Variants in MEAF6 observed in about 807,000 individuals in gnomAD.
MEAF6 encodes the protein MYST/Esa1 associated factor 6, also known as chromatin modification-related protein MEAF6.
A neutral mutation model predicts 28.9 loss-of-function variants in MEAF6; 15 were observed. That is an observed-to-expected ratio of 0.52 (90% CI 0.35 to 0.80). The LOEUF (loss-of-function observed/expected upper bound fraction) is 0.80. Ranked by LOEUF, MEAF6 falls within the 30% of genes least tolerant of loss-of-function variation. MEAF6 has a pLI of 0.01. For missense variants in MEAF6, 178 were observed against 237.5 expected, an observed-to-expected ratio of 0.75 and a Z score of 1.65; for synonymous variants, 97 against 88.7, an observed-to-expected ratio of 1.09 and a Z score of -0.53.
At position 37,492,758 on chromosome 1, in the gene MEAF6, G is replaced by C. The variant is rs935517993; in HGVS notation, c.*1341C>G. The stretch of plus-strand genomic sequence containing the variant: ...AGGACTATGACTAACTAGAGTGAAA[G>C]GAAAGGTTAGACCCCAAATCTTATC... On this transcript the variant is annotated 3_prime_UTR_variant, in exon 7 of 7. Coordinates refer to ENST00000296214, the MANE Select transcript of MEAF6 (RefSeq NM_001270875.3). The C allele has an allele frequency of 1.3e-5, 2 of 152,540 alleles. No individual in the cohort carries two copies. The highest frequency in any genetic ancestry group is 2.4e-5 in the African/African-American group (1 of 41,416). 9.4% of individuals were successfully genotyped at this position (152,540 alleles called of 1,614,324 possible). A position where few individuals can be genotyped will look rare whatever the true frequency, so the allele number is the denominator to read the frequency against.
In MEAF6 at chr1:37,500,050, T is replaced by C. The variant is rs191952460; in HGVS notation, c.533+1754A>G. On this transcript the variant is annotated intron_variant, in intron 5 of 6. Coordinates refer to ENST00000296214, the MANE Select transcript of MEAF6 (RefSeq NM_001270875.3). ...GGCCAGACACCGTGGCTCATGCCAG[T>C]AATCCCAGCACTTTGGGAGGCCGAG... Among the ~76,000 whole-genome samples, 15 of 152,336 alleles carry C rather than the reference T, an allele frequency of 9.8e-5. No homozygotes were observed. In the East Asian group the frequency reaches 2.5e-3, roughly 25 times the overall value.
At position 37,493,875 on chromosome 1, in the gene MEAF6, C is replaced by T. The variant is rs1642024852; in HGVS notation, c.*224G>A. On this transcript the variant is annotated 3_prime_UTR_variant, in exon 7 of 7. Coordinates refer to ENST00000296214, the MANE Select transcript of MEAF6 (RefSeq NM_001270875.3). ...GGGATTACAACATTGTCTTCATCTT[C>T]CTGCAGTTCTGTTACTAAAAATGAC... 13 of 1,558,166 alleles carry T rather than the reference C, an allele frequency of 8.3e-6. No homozygotes were observed. The highest frequency in any genetic ancestry group is 1.1e-5 in the Non-Finnish European group (13 of 1,153,388).
chr1:37,502,120 TAC>T, intron 4 of MEAF6, 124 bp from the exon 5 acceptor site: 1 of 46,750 alleles, frequency 2.1e-5, no homozygotes, highest in Non-Finnish European at 4.5e-5. Flanking sequence ...ACAGAGAAGA[TAC>T]ATGTTGACAG....
rs36039749 is a variant in MEAF6, at chr1:37,505,127, A to G, written c.341-3131T>C. Among the ~76,000 whole-genome samples the G allele has an allele frequency of 0.76, 115,374 of 152,084 alleles. 45,513 individuals carry two copies. The highest frequency in any genetic ancestry group is 0.95 in the East Asian group (4,883 of 5,142). On this transcript the variant is annotated intron_variant, in intron 4 of 6. Transcript: ENST00000296214. ...TCAAACTCCTGACCTCAGGTGATCC[A>G]CCCACCTTGGGCTCCCAAAGTTCTG...
rs551607507 is a variant in MEAF6, at chr1:37,491,134, G to A, written c.*2965C>T. Reference sequence around the variant, plus strand: ...AAGTCACAGAGTGTTTCAAGCTTAGGCTCTTTAACTTTCAAGCTTAGACTA... The same window carrying A: ...AAGTCACAGAGTGTTTCAAGCTTAGACTCTTTAACTTTCAAGCTTAGACTA... On this transcript the variant is annotated 3_prime_UTR_variant, in exon 7 of 7. Transcript: ENST00000296214. 6.6e-6 allele frequency among the ~76,000 whole-genome samples: 1 copy of A among 152,308 alleles called. No individual in the cohort carries two copies. Among genetic ancestry groups the A allele is most frequent in the South Asian group, 2.1e-4 (1 of 4,828 alleles).
intron 4 of MEAF6, among the ~76,000 whole-genome samples, chr1:37,508,734 A>G (rs1181060553): frequency 1.3e-5 from 2 of 152,218 alleles, no homozygotes; most frequent in Non-Finnish European, 2.9e-5. Context: ...TGTCTCTTTG[A>G]GATGCTAAAG....
chr1:37,511,272 T>G (rs1417203205), intron 2 of MEAF6, among the ~76,000 whole-genome samples: 1 of 152,092 alleles, frequency 6.6e-6, no homozygotes, highest in Non-Finnish European at 1.5e-5. Context: ...TTGAGGAGGC[T>G]CCCTCTGACC....
chr1:37,503,261 A>C (rs1273995023), intron 4 of MEAF6, among the ~76,000 whole-genome samples: 1 of 152,218 alleles, frequency 6.6e-6, no homozygotes, highest in Non-Finnish European at 1.5e-5. Context: ...ATGCAGTAAT[A>C]ATCTTCAGCT....
At chr1:37,502,849 G>A (rs888667141) in intron 4 of MEAF6, among the ~76,000 whole-genome samples, 3 of 151,964 alleles carry the variant, frequency 2.0e-5, no homozygotes, top group Non-Finnish European at 4.4e-5. Flanking sequence ...TGAACTCCTA[G>A]GCTCAAGAGA....
chr1:37,509,252 T>A, intron 4 of MEAF6, 26 bp downstream of exon 4: 1 of 1,605,920 alleles, frequency 6.2e-7, no homozygotes, highest in South Asian at 1.1e-5. Context: ...AATAAACTGA[T>A]GAGAAACATA....
At chr1:37,501,684 G>A (rs2148071176) in intron 5 of MEAF6, 120 bp downstream of exon 5, 2 of 1,014,338 alleles carry the variant, frequency 2.0e-6, no homozygotes, top group Non-Finnish European at 2.8e-6. Flanking sequence ...TGGACCTAAT[G>A]ACTTTCTTGC....
chr1:37,510,731 TA>T (rs1468122002), intron 2 of MEAF6, among the ~76,000 whole-genome samples: 2 of 151,838 alleles, frequency 1.3e-5, no homozygotes, highest in African/African-American at 4.8e-5. Context: ...CTTATTTATA[TA>T]TTTTTTTGAG....
Position 37,493,809 on chromosome 1 carries a change from T to C in MEAF6, c.*290A>G, listed in dbSNP as rs1642020170. 6.4e-7 allele frequency: 1 copy of C among 1,550,776 alleles called. No homozygotes were observed. The highest frequency in any genetic ancestry group is 1.4e-5 in the African/African-American group (1 of 73,016). Reference sequence around the variant, plus strand: ...GTGCCAGCCAGTTTTGGGGGAGACATTCATTCTAAGAAGGGAGAAACGCAC... The same window carrying C: ...GTGCCAGCCAGTTTTGGGGGAGACACTCATTCTAAGAAGGGAGAAACGCAC... On this transcript the variant is annotated 3_prime_UTR_variant, in exon 7 of 7. Coordinates refer to ENST00000296214, the MANE Select transcript of MEAF6 (RefSeq NM_001270875.3).
intron 5 of MEAF6, among the ~76,000 whole-genome samples, chr1:37,500,026 G>A (rs1642245976): frequency 6.6e-6 from 1 of 152,262 alleles, no homozygotes; most frequent in East Asian, 1.9e-4. Context: ...ATGACACTAG[G>A]CCAGACACCG....
chr1:37,493,830 C>T lies in MEAF6; in HGVS notation c.*269G>A, dbSNP rs747844219. On this transcript the variant is annotated 3_prime_UTR_variant, in exon 7 of 7. Coordinates refer to ENST00000296214, the MANE Select transcript of MEAF6 (RefSeq NM_001270875.3). ...GACATTCATTCTAAGAAGGGAGAAA[C>T]GCACAGTTAGCAACTTGCTGGGATT... The T allele has an allele frequency of 3.9e-6, 6 of 1,550,492 alleles. No individual in the cohort carries two copies. The highest frequency in any genetic ancestry group is 2.4e-5 in the East Asian group (1 of 40,942).
intron 1 of MEAF6, chr1:37,514,437 T>A: frequency 4.1e-6 from 1 of 244,618 alleles, no homozygotes. Context: ...CCCCTCCCCC[T>A]CCCGCGCTCC....
intron 4 of MEAF6, among the ~76,000 whole-genome samples, chr1:37,507,293 C>G (rs887557396): frequency 5.3e-5 from 8 of 150,102 alleles, no homozygotes; most frequent in African/African-American, 2.0e-4. Flanking sequence ...GCACTCCAGC[C>G]TGGGTAACAA....
At chr1:37,510,940 GAACTCCCA>G in intron 2 of MEAF6, among the ~76,000 whole-genome samples, 2 of 149,648 alleles carry the variant, frequency 1.3e-5, no homozygotes, top group East Asian at 4.0e-4. Context: ...GGCTAGTCTT[GAACTCCCA>G]ACCTCAGGTG....
At chr1:37,496,053 GT>G in intron 5 of MEAF6, 135 bp from the exon 6 acceptor site, 1 of 699,138 alleles carries the variant, frequency 1.4e-6, no homozygotes, top group Non-Finnish European at 2.5e-6. Flanking sequence ...ATTAGACTAT[GT>G]CATATTTAGT....
Sources: gnomAD v4.1 joint callset for allele counts (sites outside exome capture counted in the v4.1 genomes callset) on GRCh38, gnomAD v4.1.1 for gene constraint, MANE v1.5 for transcripts, NCBI Gene and HGNC (gene_info 2026-07-23, HGNC 2026-07-21) for gene names.